NBPF9: variants seen among roughly 807,000 people sequenced by gnomAD.
NBPF9 encodes NBPF member 9, also known as NBPF family member NBPF9.
In NBPF9, 91 loss-of-function variants were observed where a neutral mutation model predicts 97.8. The observed-to-expected ratio is 0.93, with a 90% CI of 0.79 to 1.11. The LOEUF (loss-of-function observed/expected upper bound fraction) is 1.11. NBPF9 is among the 50% of genes least tolerant of loss of function. The pLI is 0.00. For synonymous variants in NBPF9, 334 were observed against 359.5 expected, an observed-to-expected ratio of 0.93 and a Z score of 0.80; for missense variants, 992 against 939.5, an observed-to-expected ratio of 1.06 and a Z score of -0.73.
At chr1:149,073,291 C>T (rs1260948299) in intron 13 of NBPF9, among the ~76,000 whole-genome samples, 1 of 141,858 alleles carries the variant, frequency 7.0e-6, no homozygotes, top group Admixed American at 7.2e-5. Context: ...CCACTAGATA[C>T]AAAGCCATGT....
chr1:149,078,871 G>C, intron 9 of NBPF9, 136 bp downstream of exon 9: 2 of 1,498,056 alleles, frequency 1.3e-6, no homozygotes, highest in Non-Finnish European at 1.8e-6. Context: ...TACCCAGGAA[G>C]TCCTGATCGT....
chr1:149,056,586 C>A, exon 29 of NBPF9: 1 of 110,428 alleles, frequency 9.1e-6, no homozygotes, highest in African/African-American at 5.1e-4. Context: ...ATCTTCTTCC[C>A]CTTCTTTTCT....
chr1:149,092,930 G>A (rs2081500089), intron 4 of NBPF9: 2 of 163,082 alleles, frequency 1.2e-5, no homozygotes, highest in South Asian at 4.0e-4. Flanking sequence ...TAGGTGGAAG[G>A]AGAGACTTGG....
At chr1:149,074,326 A>C (rs1252096424) in intron 12 of NBPF9, among the ~76,000 whole-genome samples, 2 of 151,368 alleles carry the variant, frequency 1.3e-5, no homozygotes, top group African/African-American at 4.8e-5. Context: ...AGATTTTTTA[A>C]ATCTTTGATT....
At chr1:149,082,209 A>C (rs2080531156) in intron 6 of NBPF9, 35 bp from the exon 7 acceptor site, 1 of 1,568,282 alleles carries the variant, frequency 6.4e-7, no homozygotes, top group Non-Finnish European at 8.8e-7. Context: ...TGATGGGTTA[A>C]AAACTGGTGA....
intron 18 of NBPF9, 107 bp from the exon 19 acceptor site, chr1:149,064,589 G>A (rs1441547278): frequency 3.3e-5 from 23 of 689,990 alleles, no homozygotes; most frequent in Non-Finnish European, 5.9e-5. Context: ...TTGTCAGTGT[G>A]AGAACAGGAG....
intron 3 of NBPF9, among the ~76,000 whole-genome samples, chr1:149,099,825 AT>A (rs1299816773): frequency 1.2e-4 from 18 of 151,442 alleles, no homozygotes; most frequent in Admixed American, 1.2e-3. Flanking sequence ...TCTACAAAAA[AT>A]AGAAAATTAG....
At chr1:149,088,542 C>G (rs2081193521) in intron 5 of NBPF9, among the ~76,000 whole-genome samples, 1 of 152,142 alleles carries the variant, frequency 6.6e-6, no homozygotes, top group Non-Finnish European at 1.5e-5. Context: ...TTCTTCAAAT[C>G]TGCCATTAAT....
At chr1:149,077,681 C>A (rs1382341331) in intron 10 of NBPF9, among the ~76,000 whole-genome samples, 1 of 152,224 alleles carries the variant, frequency 6.6e-6, no homozygotes, top group African/African-American at 2.4e-5. Flanking sequence ...TCAGCTATCC[C>A]TGTATGGTAC....
chr1:149,090,248 C>A (rs2081329533), intron 5 of NBPF9: 1 of 154,128 alleles, frequency 6.5e-6, no homozygotes, highest in African/African-American at 2.4e-5. Context: ...ACTCTGGTTT[C>A]TTTTTGGCTA....
chr1:149,080,762 G>A (rs2080358927), intron 7 of NBPF9, among the ~76,000 whole-genome samples: 1 of 102,050 alleles, frequency 9.8e-6, no homozygotes, highest in East Asian at 3.2e-4. Flanking sequence ...GATTCGTTGT[G>A]TTAATTTAGA....
intron 11 of NBPF9, among the ~76,000 whole-genome samples, chr1:149,076,408 G>C (rs2079873159): frequency 6.6e-6 from 1 of 151,134 alleles, no homozygotes; most frequent in African/African-American, 2.4e-5. Context: ...TCTTGGACAG[G>C]CTGGTTTCGA....
Position 149,055,709 on chromosome 1 carries a change from T to C in NBPF9, c.3283A>G (p.Thr1095Ala), listed in dbSNP as rs587594145. Residue 1095 changes from threonine to alanine, a missense_variant, in exon 30 of 30, where the codon ACG (threonine) becomes GCG (alanine). By Grantham distance (58) the Thr-to-Ala change is moderately conservative. Coordinates refer to ENST00000584027, the Ensembl canonical transcript of NBPF9. ...AACACCAGGTGGAGACTTGTCACCGTCAAAGTAAAAAACCTATTGTCCACG... is the reference window on the plus strand; with the variant it reads ...AACACCAGGTGGAGACTTGTCACCGCCAAAGTAAAAAACCTATTGTCCACG... 78 of 1,611,896 alleles carry C rather than the reference T, an allele frequency of 4.8e-5. No homozygotes were observed. In the East Asian group the frequency reaches 1.3e-3, roughly 28 times the overall value.
At chr1:149,085,503 A>G (rs1393197087) in intron 5 of NBPF9, among the ~76,000 whole-genome samples, 1 of 152,160 alleles carries the variant, frequency 6.6e-6, no homozygotes, top group Non-Finnish European at 1.5e-5. Context: ...AAAATCTCCT[A>G]CTAGAAATAA....
chr1:149,063,650 A>T lies in NBPF9; in HGVS notation c.2009T>A (p.Leu670Ter). ...GTACTCACCATCCATGTCAACAGCC[A>T]AGCCAACACGCTGTTGCTCCAATAC... The change falls in exon 20 of 30, where the codon TTG becomes TAG. Residue 670 changes from leucine to a stop codon, truncating the protein, a stop_gained. Transcript: ENST00000584027. LOFTEE classifies it high-confidence loss of function. 3.2e-6 allele frequency: 2 copies of T among 620,408 alleles called. No individual in the cohort carries two copies. The highest frequency in any genetic ancestry group is 5.7e-6 in the Non-Finnish European group (2 of 353,784). The allele number at this position is 620,408 out of a possible 1,614,324, so 38.4% of individuals were successfully genotyped here. A position where few individuals can be genotyped will look rare whatever the true frequency, so the allele number is the denominator to read the frequency against.
chr1:149,061,734 C>G (rs1300241332), intron 22 of NBPF9: 1 of 262,080 alleles, frequency 3.8e-6, no homozygotes, highest in Non-Finnish European at 6.9e-6. Context: ...ATGCCCAGCT[C>G]GTTCATGGAT....
intron 8 of NBPF9, among the ~76,000 whole-genome samples, chr1:149,079,674 T>C (rs1336406251): frequency 6.6e-6 from 1 of 151,064 alleles, no homozygotes; most frequent in Non-Finnish European, 1.5e-5. Context: ...GCAACATTGA[T>C]TGAGTGAAAG....
chr1:149,068,259 C>G (rs1284243693), intron 17 of NBPF9, among the ~76,000 whole-genome samples: 4 of 149,832 alleles, frequency 2.7e-5, no homozygotes, highest in African/African-American at 9.9e-5. Context: ...ACGACAGGAT[C>G]AAATTCACAC....
At position 149,064,431 on chromosome 1, in the gene NBPF9, C is replaced by G. The variant is rs587753947; in HGVS notation, c.1853G>C (p.Arg618Thr). The G allele has an allele frequency of 3.4e-5, 38 of 1,112,294 alleles. 1 individual carries two copies. The highest frequency in any genetic ancestry group is 3.9e-5 in the Non-Finnish European group (29 of 747,394). 68.9% of individuals were successfully genotyped at this position (1,112,294 alleles called of 1,614,324 possible). Reference sequence around the variant, plus strand: ...ACTGTCCACAATTTCTCAGACTCACCTGGGACCTGTTGCCTCTTGGTCCTC... The same window carrying G: ...ACTGTCCACAATTTCTCAGACTCACGTGGGACCTGTTGCCTCTTGGTCCTC... Residue 618 changes from arginine (R) to threonine (T), a missense_variant and splice_region_variant, in exon 19 of 30, where the codon AGG becomes ACG. This residue lies in a region of NBPF9 where 16 missense variants were observed against 45.2 expected (regional missense o/e 0.35). Coordinates refer to ENST00000584027, the Ensembl canonical transcript of NBPF9.
Sources: allele counts gnomAD v4.1 joint callset (sites outside exome capture counted in the v4.1 genomes callset), GRCh38; gene constraint gnomAD v4.1.1; regional missense constraint gnomAD v4.1.1; transcripts MANE v1.5; gene names NCBI Gene and HGNC (gene_info 2026-07-23, HGNC 2026-07-21).